KCNIP1: variants seen among roughly 807,000 people sequenced by gnomAD.
The protein encoded by KCNIP1 is A-type potassium channel modulatory protein KCNIP1.
In KCNIP1, 18 loss-of-function variants were observed where a neutral mutation model predicts 33.0. That is an observed-to-expected ratio of 0.55 (90% confidence interval 0.38 to 0.81). The LOEUF is 0.81. KCNIP1 is among the 30% of genes least tolerant of loss of function. The pLI, the probability that KCNIP1 is intolerant of heterozygous loss-of-function variation, is 0.00. For synonymous variants in KCNIP1, 93 were observed against 98.3 expected (o/e 0.95, Z 0.32); for missense variants, 238 against 271.6 (o/e 0.88, Z 0.87).
At chr5:170,385,617 C>G (rs1217687230) in intron 1 of KCNIP1, 1 of 772,274 alleles carries the variant, frequency 1.3e-6, no homozygotes, top group Non-Finnish European at 2.1e-6. Flanking sequence ...AGAAGTCTTG[C>G]TTTTTGGACC....
chr5:170,465,724 G>A (rs1229156324), intron 1 of KCNIP1, among the ~76,000 whole-genome samples: 10 of 152,142 alleles, frequency 6.6e-5, no homozygotes, highest in Non-Finnish European at 1.0e-4. Flanking sequence ...GGGTCCGGAG[G>A]GCAGAGAAGG....
At chr5:170,629,574 G>T (rs1344407646) in intron 1 of KCNIP1, among the ~76,000 whole-genome samples, 1 of 152,196 alleles carries the variant, frequency 6.6e-6, no homozygotes, top group Admixed American at 6.5e-5. Context: ...CCTTTCTCCA[G>T]GTGCTCAGTT....
At chr5:170,569,982 C>G (rs974967413) in intron 1 of KCNIP1, among the ~76,000 whole-genome samples, 15 of 152,110 alleles carry the variant, frequency 9.9e-5, no homozygotes, top group African/African-American at 3.4e-4. Flanking sequence ...CTGTTTTTCC[C>G]TAGGACCATT....
intron 1 of KCNIP1, among the ~76,000 whole-genome samples, chr5:170,520,892 G>A (rs114981938): frequency 0.016 from 2,511 of 152,286 alleles, 66 homozygotes; most frequent in African/African-American, 0.057. Flanking sequence ...TTTCTCGGGC[G>A]TGTGGCCTTG....
At chr5:170,669,713 T>G in intron 1 of KCNIP1, 1 of 896,678 alleles carries the variant, frequency 1.1e-6, no homozygotes, top group Non-Finnish European at 1.3e-6. Context: ...AATGCCATTT[T>G]ATTTTAGGTC....
chr5:170,514,026 G>A (rs886249911), intron 1 of KCNIP1, among the ~76,000 whole-genome samples: 3 of 152,224 alleles, frequency 2.0e-5, no homozygotes, highest in African/African-American at 7.2e-5. Context: ...AGGACTTGAA[G>A]TGGATCTGAT....
At chr5:170,644,613 A>G (rs993775231) in intron 1 of KCNIP1, among the ~76,000 whole-genome samples, 1 of 152,232 alleles carries the variant, frequency 6.6e-6, no homozygotes, top group Non-Finnish European at 1.5e-5. Context: ...GGGACAAGGG[A>G]GGGAGAGAAG....
intron 1 of KCNIP1, among the ~76,000 whole-genome samples, chr5:170,359,736 C>T (rs1026239530): frequency 3.9e-5 from 6 of 152,200 alleles, no homozygotes; most frequent in Non-Finnish European, 7.3e-5. Context: ...TCCCAGCCTA[C>T]TGGCCTCACC....
chr5:170,428,120 C>T (rs1270153183), intron 1 of KCNIP1, among the ~76,000 whole-genome samples: 1 of 152,162 alleles, frequency 6.6e-6, no homozygotes, highest in Admixed American at 6.5e-5. Context: ...CCAGGGACAA[C>T]ATCTGTGTTC....
intron 1 of KCNIP1, among the ~76,000 whole-genome samples, chr5:170,537,461 T>C (rs1250298710): frequency 6.6e-6 from 1 of 152,214 alleles, no homozygotes; most frequent in Non-Finnish European, 1.5e-5. Context: ...CCACCTGTCA[T>C]ACAGGCAGGA....
At chr5:170,614,232 T>C (rs566796564) in intron 1 of KCNIP1, among the ~76,000 whole-genome samples, 3 of 152,256 alleles carry the variant, frequency 2.0e-5, no homozygotes, top group African/African-American at 7.2e-5. Flanking sequence ...ATTGACAGGA[T>C]GCTACTGGTC....
At chr5:170,732,779 G>C (rs763005135) in intron 5 of KCNIP1, 21 bp from the exon 6 acceptor site, 2 of 1,521,780 alleles carry the variant, frequency 1.3e-6, no homozygotes, top group Non-Finnish European at 1.8e-6. Context: ...CACACTGTGT[G>C]CTTTTATGTC....
intron 1 of KCNIP1, chr5:170,375,307 A>C (rs538544814): frequency 6.6e-6 from 1 of 152,386 alleles, no homozygotes. Flanking sequence ...TGACCCCAGA[A>C]GGAAAAAATT....
At chr5:170,681,228 T>C in intron 1 of KCNIP1, 3 of 398,846 alleles carry the variant, frequency 7.5e-6, no homozygotes, top group Non-Finnish European at 1.3e-5. Context: ...TTTTTGTGGC[T>C]TCGGTTGCTG....
intron 1 of KCNIP1, among the ~76,000 whole-genome samples, chr5:170,384,918 A>G (rs2113344764): frequency 6.6e-6 from 1 of 152,330 alleles, no homozygotes; most frequent in Non-Finnish European, 1.5e-5. Context: ...AGGAGGCTGG[A>G]TGCCCACCTG....
intron 1 of KCNIP1, among the ~76,000 whole-genome samples, chr5:170,670,918 A>T (rs1367200904): frequency 6.6e-6 from 1 of 151,738 alleles, no homozygotes; most frequent in African/African-American, 2.4e-5. Context: ...AAAAAATAAA[A>T]AAAAAAGAAG....
At chr5:170,379,955 A>T (rs1024355508) in intron 1 of KCNIP1, among the ~76,000 whole-genome samples, 1 of 152,012 alleles carries the variant, frequency 6.6e-6, no homozygotes, top group Non-Finnish European at 1.5e-5. Context: ...CCATTTCAAA[A>T]AAAAAAAAAA....
At chr5:170,359,153 G>A (rs1283152258) in intron 1 of KCNIP1, among the ~76,000 whole-genome samples, 1 of 152,128 alleles carries the variant, frequency 6.6e-6, no homozygotes, top group East Asian at 1.9e-4. Context: ...CACCTCTCAG[G>A]CAGGTGTGCA....
chr5:170,611,930 C>T (rs190090767), intron 1 of KCNIP1, among the ~76,000 whole-genome samples: 298 of 152,308 alleles, frequency 2.0e-3, no homozygotes, highest in Admixed American at 4.5e-3. Flanking sequence ...TAACTGAACA[C>T]GAGCCAGGCA....
Sources: allele counts gnomAD v4.1 joint callset (sites outside exome capture counted in the v4.1 genomes callset), GRCh38; gene constraint gnomAD v4.1.1; transcripts MANE v1.5; gene names NCBI Gene and HGNC (gene_info 2026-07-23, HGNC 2026-07-21).